CIMIP3: variants seen among roughly 807,000 people sequenced by gnomAD.
CIMIP3 encodes the protein GUCA1A neighbor.
chr6:42,160,761 T>C, the CIMIP3 span, among the ~76,000 whole-genome samples: 926 of 152,240 alleles, frequency 6.1e-3, 13 homozygotes, highest in African/African-American at 0.021. Flanking sequence ...CTTGGAAGAA[T>C]AGGAAGAATT....
chr6:42,155,440 A>G, the CIMIP3 span: 1 of 672,178 alleles, frequency 1.5e-6, no homozygotes, highest in African/African-American at 1.8e-5. Context: ...GACCACCAGA[A>G]GTTCCACCTC....
At chr6:42,158,019 G>C in the CIMIP3 span, among the ~76,000 whole-genome samples, 2 of 152,164 alleles carry the variant, frequency 1.3e-5, no homozygotes, top group African/African-American at 4.8e-5. Flanking sequence ...ACCCCACACT[G>C]TGTGACAACC....
At chr6:42,160,684 C>G in the CIMIP3 span, among the ~76,000 whole-genome samples, 1 of 152,196 alleles carries the variant, frequency 6.6e-6, no homozygotes, top group South Asian at 2.1e-4. Flanking sequence ...CAGAAGAGGA[C>G]AAGATGGGAC....
chr6:42,163,257 C>G, the CIMIP3 span: 1 of 560,696 alleles, frequency 1.8e-6, no homozygotes, highest in African/African-American at 1.9e-5. Flanking sequence ...TAGGCCTGAG[C>G]CAAACGGAAG....
chr6:42,162,926 C>T, the CIMIP3 span: 1 of 639,312 alleles, frequency 1.6e-6, no homozygotes, highest in Non-Finnish European at 2.9e-6. Context: ...CCAGGACTCA[C>T]AGAAACCCTC....
chr6:42,158,735 A>C, the CIMIP3 span, among the ~76,000 whole-genome samples: 1 of 152,240 alleles, frequency 6.6e-6, no homozygotes, highest in Non-Finnish European at 1.5e-5. Flanking sequence ...GAGCTTTTGC[A>C]GAGCTGAGTG....
At chr6:42,161,200 A>G in the CIMIP3 span, among the ~76,000 whole-genome samples, 1 of 152,158 alleles carries the variant, frequency 6.6e-6, no homozygotes, top group Non-Finnish European at 1.5e-5. Flanking sequence ...AAAAACAAAA[A>G]ACAAAACAAA....
At chr6:42,159,171 C>G in the CIMIP3 span, among the ~76,000 whole-genome samples, 16 of 152,176 alleles carry the variant, frequency 1.1e-4, no homozygotes, top group Admixed American at 1.0e-3. Context: ...GGACATTGGG[C>G]GATGACTGGA....
At chr6:42,162,409 C>CTT in the CIMIP3 span, among the ~76,000 whole-genome samples, 6,160 of 134,748 alleles carry the variant, frequency 0.046, 211 homozygotes, top group Non-Finnish European at 0.07. Context: ...GAGCGAAACT[C>CTT]TTTTTTTTTT....
At chr6:42,156,188 G>A in the CIMIP3 span, among the ~76,000 whole-genome samples, 1 of 151,722 alleles carries the variant, frequency 6.6e-6, no homozygotes, top group Non-Finnish European at 1.5e-5. Flanking sequence ...TAGAGACGGG[G>A]TTTCACCATG....
At chr6:42,158,445 C>T in the CIMIP3 span, among the ~76,000 whole-genome samples, 1 of 152,200 alleles carries the variant, frequency 6.6e-6, no homozygotes, top group East Asian at 1.9e-4. Context: ...TGGCTGTCCC[C>T]TACCCCTGCT....
the CIMIP3 span, among the ~76,000 whole-genome samples, chr6:42,162,087 ATTCTTTTTTTTTTT>A: frequency 1.8e-5 from 2 of 111,804 alleles, no homozygotes; most frequent in African/African-American, 6.7e-5. Flanking sequence ...TGGAAGCCAC[ATTCTTTTTTTTTTT>A]TTTTTTTTTT....
chr6:42,156,515 C>A, the CIMIP3 span, among the ~76,000 whole-genome samples: 9 of 152,062 alleles, frequency 5.9e-5, no homozygotes, highest in African/African-American at 2.2e-4. Flanking sequence ...CATGAGGAAG[C>A]TGAGGCCTAC....
the CIMIP3 span, among the ~76,000 whole-genome samples, chr6:42,162,596 C>T: frequency 6.7e-6 from 1 of 148,930 alleles, no homozygotes; most frequent in South Asian, 2.2e-4. Flanking sequence ...AGGAGCCAGG[C>T]CAAGGACACG....
At chr6:42,156,296 ATTTTTTTTTCTTTT>A in the CIMIP3 span, among the ~76,000 whole-genome samples, 1 of 139,602 alleles carries the variant, frequency 7.2e-6, no homozygotes, top group Non-Finnish European at 1.5e-5. Context: ...GTGCTCAGCC[ATTTTTTTTTCTTTT>A]TTTTTTTTTT....
At chr6:42,155,510 G>A in the CIMIP3 span, 1 of 716,916 alleles carries the variant, frequency 1.4e-6, no homozygotes, top group Admixed American at 2.0e-5. Flanking sequence ...CAGGGCTGGG[G>A]AAGGTCAGCT....
At chr6:42,155,480 T>A in the CIMIP3 span, 3 of 711,822 alleles carry the variant, frequency 4.2e-6, no homozygotes, top group South Asian at 4.5e-5. Flanking sequence ...GTCCAGGATG[T>A]GCAAGGTGTG....
At chr6:42,163,297 C>A in the CIMIP3 span, 1 of 497,596 alleles carries the variant, frequency 2.0e-6, no homozygotes, top group Non-Finnish European at 3.7e-6. Context: ...ACCCCTGTGA[C>A]CTCAGGTCCC....
At chr6:42,156,068 A>T in the CIMIP3 span, among the ~76,000 whole-genome samples, 1 of 151,870 alleles carries the variant, frequency 6.6e-6, no homozygotes, top group African/African-American at 2.4e-5. Flanking sequence ...ATCTCAGCTA[A>T]GTGCAACCTC....
Sources: gnomAD v4.1 joint callset for allele counts (sites outside exome capture counted in the v4.1 genomes callset) on GRCh38, gnomAD v4.1.1 for gene constraint, MANE v1.5 for transcripts, NCBI Gene and HGNC (gene_info 2026-07-23, HGNC 2026-07-21) for gene names.